IGF2BP2: variants seen among roughly 807,000 people sequenced by gnomAD.
IGF2BP2 encodes insulin-like growth factor 2 mRNA-binding protein 2.
Under a neutral mutation model 75.8 loss-of-function variants are expected in IGF2BP2, and 17 were observed. That is an observed-to-expected ratio of 0.22 (90% CI 0.15 to 0.34). The LOEUF is 0.34. Among genes scored for constraint, IGF2BP2 ranks in the 10% least tolerant of loss-of-function variants. The pLI is 1.00. For missense variants in IGF2BP2, 516 were observed against 772.4 expected, an observed-to-expected ratio of 0.67 and a Z score of 3.93; for synonymous variants, 288 against 295.6, an observed-to-expected ratio of 0.97 and a Z score of 0.26.
chr3:185,793,382 T>C (rs1736900306), intron 2 of IGF2BP2, among the ~76,000 whole-genome samples: 1 of 152,152 alleles, frequency 6.6e-6, no homozygotes, highest in African/African-American at 2.4e-5. Flanking sequence ...ATAAAGCACC[T>C]AGCCCAGTAA....
chr3:185,666,019 T>TAGAC (rs1355045691), intron 10 of IGF2BP2, among the ~76,000 whole-genome samples: 22 of 150,678 alleles, frequency 1.5e-4, no homozygotes, highest in African/African-American at 4.7e-4. Context: ...GATAGATAGA[T>TAGAC]AGATAGATAG....
chr3:185,706,741 CTTT>C (rs768995397), intron 2 of IGF2BP2, among the ~76,000 whole-genome samples: 10 of 139,334 alleles, frequency 7.2e-5, no homozygotes, highest in Non-Finnish European at 7.8e-5. Flanking sequence ...GAGATTCCTT[CTTT>C]TTTTTTTTTT....
At position 185,650,078 on chromosome 3, in the gene IGF2BP2, T is replaced by C. The variant is rs999166812; in HGVS notation, c.1462-544A>G. ...AGTGCAGTGGCACGATCATAGCTCA[T>C]GTTTTCATTCTTTTTTTTTTTTTTT... On this transcript the variant is annotated intron_variant, in intron 13 of 15. Transcript: ENST00000382199. Among the ~76,000 whole-genome samples, 9 of 151,002 alleles carry C rather than the reference T, an allele frequency of 6.0e-5. 1 individual carries two copies. Among genetic ancestry groups the C allele is most frequent in the Admixed American group, 5.9e-4 (9 of 15,212 alleles).
intron 2 of IGF2BP2, among the ~76,000 whole-genome samples, chr3:185,814,363 C>T (rs1041470910): frequency 1.3e-5 from 2 of 152,144 alleles, no homozygotes; most frequent in African/African-American, 4.8e-5. Flanking sequence ...ACTGAAATTT[C>T]GAAGTATGCA....
At chr3:185,796,903 T>C (rs549757517) in intron 2 of IGF2BP2, among the ~76,000 whole-genome samples, 2 of 152,304 alleles carry the variant, frequency 1.3e-5, no homozygotes, top group East Asian at 3.9e-4. Context: ...CAACATACCG[T>C]TGTCATCAAG....
intron 2 of IGF2BP2, among the ~76,000 whole-genome samples, chr3:185,724,173 T>C (rs534908362): frequency 3.9e-5 from 6 of 152,224 alleles, no homozygotes; most frequent in East Asian, 3.9e-4. Flanking sequence ...GTGAGCAAAA[T>C]TGCCCGGCTA....
intron 2 of IGF2BP2, among the ~76,000 whole-genome samples, chr3:185,732,209 T>C (rs550699632): frequency 1.3e-4 from 20 of 152,194 alleles, no homozygotes; most frequent in African/African-American, 2.7e-4. Flanking sequence ...TTTTTCTCTA[T>C]TGGGAGTGTG....
chr3:185,785,712 G>C (rs564877480), intron 2 of IGF2BP2, among the ~76,000 whole-genome samples: 1 of 152,044 alleles, frequency 6.6e-6, no homozygotes, highest in Non-Finnish European at 1.5e-5. Flanking sequence ...TGTAGTCCTA[G>C]CTACTCAGGA....
At chr3:185,775,332 A>G (rs1445672389) in intron 2 of IGF2BP2, among the ~76,000 whole-genome samples, 4 of 152,212 alleles carry the variant, frequency 2.6e-5, no homozygotes, top group African/African-American at 4.8e-5. Flanking sequence ...TTCATTCAGC[A>G]AACATTTCAA....
At chr3:185,725,341 G>A (rs975347170) in intron 2 of IGF2BP2, among the ~76,000 whole-genome samples, 2 of 152,214 alleles carry the variant, frequency 1.3e-5, no homozygotes, top group African/African-American at 4.8e-5. Flanking sequence ...TACGCTTCCA[G>A]AAGGCTAACC....
intron 13 of IGF2BP2, among the ~76,000 whole-genome samples, chr3:185,651,506 C>T (rs1029540068): frequency 2.6e-5 from 4 of 152,318 alleles, no homozygotes; most frequent in Middle Eastern, 3.4e-3. Context: ...CCACCTGCTG[C>T]CCCTGGCTGA....
chr3:185,694,305 G>A (rs142914095), intron 4 of IGF2BP2, among the ~76,000 whole-genome samples: 93 of 152,290 alleles, frequency 6.1e-4, no homozygotes, highest in African/African-American at 2.2e-3. Flanking sequence ...CTACAGATAA[G>A]GCTGTAGACT....
chr3:185,683,671 A>G (rs1720715915), intron 7 of IGF2BP2, among the ~76,000 whole-genome samples: 1 of 152,186 alleles, frequency 6.6e-6, no homozygotes, highest in African/African-American at 2.4e-5. Flanking sequence ...AGCCTCCCAA[A>G]GTGCTGGGAT....
chr3:185,677,068 T>TATATATATAGAGAGAGAGAG, intron 7 of IGF2BP2, among the ~76,000 whole-genome samples: 26 of 35,852 alleles, frequency 7.3e-4, no homozygotes, highest in African/African-American at 1.1e-3. Flanking sequence ...TATATATATA[T>TATATATATAGAGAGAGAGAG]AGAGAGAGAG....
intron 2 of IGF2BP2, among the ~76,000 whole-genome samples, chr3:185,807,314 T>C (rs927186666): frequency 5.3e-5 from 8 of 152,194 alleles, no homozygotes; most frequent in African/African-American, 1.9e-4. Context: ...TGACCCCACC[T>C]AAAGCACTGA....
At chr3:185,763,787 T>C (rs1013086979) in intron 2 of IGF2BP2, among the ~76,000 whole-genome samples, 1 of 152,242 alleles carries the variant, frequency 6.6e-6, no homozygotes. Flanking sequence ...GGATTAAGAA[T>C]GTTCTTTGTT....
intron 2 of IGF2BP2, among the ~76,000 whole-genome samples, chr3:185,726,247 G>A (rs890536974): frequency 3.3e-5 from 5 of 152,192 alleles, no homozygotes; most frequent in Non-Finnish European, 7.3e-5. Context: ...AATAAGGAAT[G>A]GACCCAGGGT....
At chr3:185,788,452 A>C (rs1736179875) in intron 2 of IGF2BP2, among the ~76,000 whole-genome samples, 1 of 152,182 alleles carries the variant, frequency 6.6e-6, no homozygotes, top group African/African-American at 2.4e-5. Context: ...TAGAAGCTGC[A>C]GAGAGCTATG....
At chr3:185,785,399 G>C (rs1329961856) in intron 2 of IGF2BP2, among the ~76,000 whole-genome samples, 1 of 150,866 alleles carries the variant, frequency 6.6e-6, no homozygotes, top group Non-Finnish European at 1.5e-5. Flanking sequence ...TCATTTTACT[G>C]TGTCAATAAC....
Sources: gnomAD v4.1 joint callset for allele counts (sites outside exome capture counted in the v4.1 genomes callset) on GRCh38, gnomAD v4.1.1 for gene constraint, MANE v1.5 for transcripts, NCBI Gene and HGNC (gene_info 2026-07-23, HGNC 2026-07-21) for gene names.